Variants in CPEB1 observed in about 807,000 individuals in gnomAD.
CPEB1 encodes the protein cytoplasmic polyadenylation element-binding protein 1.
Under a neutral mutation model 65.8 loss-of-function variants are expected in CPEB1, and 7 were observed. The ratio of observed to expected loss-of-function variants is 0.11; its 90% CI spans 0.06 to 0.20. CPEB1 has a LOEUF of 0.20. Among genes scored for constraint, CPEB1 ranks in the 10% least tolerant of loss-of-function variants. The probability of loss-of-function intolerance (pLI) is 1.00; values close to 1 mark genes in which losing one functional copy is unlikely to be tolerated. For missense variants in CPEB1, 551 were observed against 712.2 expected, an observed-to-expected ratio of 0.77 and a Z score of 2.58; for synonymous variants, 262 against 260.0, an observed-to-expected ratio of 1.01 and a Z score of -0.08.
intron 1 of CPEB1, among the ~76,000 whole-genome samples, chr15:82,643,171 G>A (rs967662090): frequency 1.3e-5 from 2 of 152,112 alleles, no homozygotes; most frequent in African/African-American, 2.4e-5. Flanking sequence ...TGCTGGTAAA[G>A]GTTGCTAAGA....
chr15:82,563,586 C>G (rs2038617044), intron 4 of CPEB1, among the ~76,000 whole-genome samples: 1 of 150,990 alleles, frequency 6.6e-6, no homozygotes, highest in South Asian at 2.1e-4. Flanking sequence ...AAGCAATCCT[C>G]CTGCCTCAGC....
intron 1 of CPEB1, among the ~76,000 whole-genome samples, chr15:82,633,685 AT>A (rs1472843688): frequency 6.6e-6 from 1 of 152,190 alleles, no homozygotes; most frequent in Non-Finnish European, 1.5e-5. Flanking sequence ...AATCCAAGTT[AT>A]TTTAGATCAG....
At chr15:82,613,935 C>G (rs1225016395) in intron 3 of CPEB1, among the ~76,000 whole-genome samples, 1 of 151,998 alleles carries the variant, frequency 6.6e-6, no homozygotes, top group Non-Finnish European at 1.5e-5. Context: ...TTGGGAGGCT[C>G]CCAGGATCCT....
intron 3 of CPEB1, among the ~76,000 whole-genome samples, chr15:82,613,809 CG>C (rs1429312704): frequency 6.6e-6 from 1 of 152,136 alleles, no homozygotes; most frequent in African/African-American, 2.4e-5. Context: ...AAGCTCCCCC[CG>C]GGGAGAGAGA....
At chr15:82,641,541 GA>G (rs1567242283) in intron 1 of CPEB1, 1 of 152,142 alleles carries the variant, frequency 6.6e-6, no homozygotes, top group Non-Finnish European at 1.5e-5. Flanking sequence ...CAAGAATAAA[GA>G]AACAAGTAAC....
intron 1 of CPEB1, among the ~76,000 whole-genome samples, chr15:82,639,055 T>C (rs2046892279): frequency 6.6e-6 from 1 of 152,216 alleles, no homozygotes; most frequent in Admixed American, 6.5e-5. Context: ...TCTGACTTTA[T>C]AGCCTCTTAA....
chr15:82,628,395 G>A lies in CPEB1; in HGVS notation c.65C>T (p.Ser22Phe). The A allele has an allele frequency of 1.4e-6, 1 of 702,900 alleles. No homozygotes were observed. Among genetic ancestry groups the A allele is most frequent in the East Asian group, 2.7e-5 (1 of 37,274 alleles). The allele number at this position is 702,900 out of a possible 1,614,324, so 43.5% of individuals were successfully genotyped here. A position where few individuals can be genotyped will look rare whatever the true frequency, so the allele number is the denominator to read the frequency against. The change falls in exon 2 of 13, where the codon TCT becomes TTT. Residue 22 changes from serine to phenylalanine, a missense_variant. Physicochemically the swap from Ser to Phe is radical, Grantham distance 155 (BLOSUM62 -2). Around this residue, in one of 6 missense-constraint regions of CPEB1, gnomAD observed 223 missense variants for 228.6 expected, o/e 0.98. Coordinates refer to ENST00000684509, the MANE Select transcript of CPEB1 (RefSeq NM_001365242.1). ...SMSGTGLEHS[S>F]LSDCLLLIPL... ...AATTAGCAGAAGACAATCTGATAGAGATGAGTGCTCCAAACCAGTGCCAGA... is the reference window on the plus strand; with the variant it reads ...AATTAGCAGAAGACAATCTGATAGAAATGAGTGCTCCAAACCAGTGCCAGA...
At chr15:82,573,118 G>C (rs894336545) in intron 3 of CPEB1, 9 of 1,535,402 alleles carry the variant, frequency 5.9e-6, no homozygotes, top group Admixed American at 3.9e-5. Flanking sequence ...TGGCAGGGTC[G>C]AGAGAATAAT....
chr15:82,612,176 C>T (rs1465609916), intron 3 of CPEB1, among the ~76,000 whole-genome samples: 1 of 151,874 alleles, frequency 6.6e-6, no homozygotes, highest in Non-Finnish European at 1.5e-5. Flanking sequence ...CCTAGAAAAA[C>T]ACAACTTAGC....
chr15:82,546,369 A>T, intron 12 of CPEB1, 72 bp downstream of exon 12: 1 of 1,226,786 alleles, frequency 8.2e-7, no homozygotes, highest in Non-Finnish European at 1.2e-6. Flanking sequence ...TGCTGGGATT[A>T]CAGGTGTGAA....
chr15:82,645,442 G>C (rs1206901665), intron 1 of CPEB1, among the ~76,000 whole-genome samples: 2 of 151,976 alleles, frequency 1.3e-5, no homozygotes, highest in African/African-American at 4.8e-5. Flanking sequence ...CGTGAGTCAT[G>C]GGGCCGGGCC....
Position 82,628,538 on chromosome 15 carries a change from T to A in CPEB1, c.-79A>T. 2 of 675,544 alleles carry A rather than the reference T, an allele frequency of 3.0e-6. No individual in the cohort carries two copies. Among genetic ancestry groups the A allele is most frequent in the South Asian group, 3.3e-5 (2 of 61,522 alleles). 41.8% of individuals were successfully genotyped at this position (675,544 alleles called of 1,614,324 possible). On this transcript the variant is annotated 5_prime_UTR_variant, in exon 2 of 13. Transcript: ENST00000684509. ...ACTTCTTTTACAATACAGACCCTTC[T>A]ATTACACAGGCACTGAAACTAACGC...
At chr15:82,648,263 T>G, upstream of CPEB1, 2 of 193,980 alleles carry the variant, frequency 1.0e-5, no homozygotes, top group Non-Finnish European at 2.1e-5. Flanking sequence ...GGGCCTCAGT[T>G]TCCCTCTTAA....
Position 82,634,555 on chromosome 15 carries a change from T to TTG in CPEB1, c.-97-6000_-97-5999insCA, listed in dbSNP as rs1461563668. On this transcript the variant is annotated intron_variant, in intron 1 of 12. Coordinates refer to ENST00000684509, the MANE Select transcript of CPEB1 (RefSeq NM_001365242.1). ...ATTACTATTAATCATGTACAATGGA[T>TTG]TAATAGCCAGTTGAGAAATTTATAG... is the stretch of plus-strand genomic sequence containing the variant. Among the ~76,000 whole-genome samples the TTG allele has an allele frequency of 1.6e-3, 245 of 152,294 alleles. 1 individual carries two copies. Among genetic ancestry groups the TTG allele is most frequent in the African/African-American group, 5.7e-3 (235 of 41,552 alleles).
Position 82,553,885 on chromosome 15 carries a change from A to G in CPEB1, c.1047T>C (p.Ile349=). 6.2e-7 allele frequency: 1 copy of G among 1,602,716 alleles called. No homozygotes were observed. The highest frequency in any genetic ancestry group is 8.5e-7 in the Non-Finnish European group (1 of 1,170,332). The change falls in exon 7 of 13, where the codon ATT becomes ATC. Residue 349 remains isoleucine (I), a synonymous_variant. Coordinates refer to ENST00000684509, the MANE Select transcript of CPEB1 (RefSeq NM_001365242.1). The part of the protein sequence containing the change: ...KVFLGGVPWD[I]TEAGLVNTFR... Reference sequence around the variant, plus strand: ...GTCTTAGAGACAGCTCACCTTCTGTAATATCCCAAGGAACACCTCCTAGAA... The same window carrying G: ...GTCTTAGAGACAGCTCACCTTCTGTGATATCCCAAGGAACACCTCCTAGAA...
At chr15:82,611,183 T>C (rs1330211806) in intron 3 of CPEB1, among the ~76,000 whole-genome samples, 1 of 151,734 alleles carries the variant, frequency 6.6e-6, no homozygotes, top group African/African-American at 2.4e-5. Flanking sequence ...TAAAACTATC[T>C]TTATAGATGA....
At chr15:82,639,382 AT>A (rs1365441797) in intron 1 of CPEB1, among the ~76,000 whole-genome samples, 2 of 152,030 alleles carry the variant, frequency 1.3e-5, no homozygotes, top group Admixed American at 6.5e-5. Context: ...TTCCCACACT[AT>A]CCCCCAAAGA....
chr15:82,601,017 C>T (rs773781581), intron 3 of CPEB1, among the ~76,000 whole-genome samples: 3 of 150,522 alleles, frequency 2.0e-5, no homozygotes, highest in Non-Finnish European at 3.0e-5. Context: ...CAATTCTCCA[C>T]CCTCAGCCTC....
chr15:82,555,913 G>C lies in CPEB1; in HGVS notation c.897C>G (p.Pro299=). 6.2e-7 allele frequency: 1 copy of C among 1,613,770 alleles called. No homozygotes were observed. The highest frequency in any genetic ancestry group is 8.5e-7 in the Non-Finnish European group (1 of 1,179,868). The change falls in exon 6 of 13, where the codon CCC becomes CCG. Residue 299 remains proline, a synonymous_variant. Transcript: ENST00000684509. ...SWDLLEAPKD[P]FSIEREARLH... ...GCCTGGCCTCTCTCTCTATGCTGAA[G>C]GGGTCTTTGGGAGCTTCGAGGAGGT... is the stretch of plus-strand genomic sequence containing the variant.
Sources: allele counts gnomAD v4.1 joint callset (sites outside exome capture counted in the v4.1 genomes callset), GRCh38; gene constraint gnomAD v4.1.1; regional missense constraint gnomAD v4.1.1; transcripts MANE v1.5; gene names NCBI Gene and HGNC (gene_info 2026-07-23, HGNC 2026-07-21).